LTBP3: variants seen among roughly 807,000 people sequenced by gnomAD.
The protein encoded by LTBP3 is latent transforming growth factor beta binding protein 3.
In LTBP3, 97 loss-of-function variants were observed where a neutral mutation model predicts 159.7. The observed-to-expected ratio is 0.61, with a 90% CI of 0.52 to 0.72. LTBP3 has a LOEUF of 0.72. Among genes scored for constraint, LTBP3 ranks in the 30% least tolerant of loss-of-function variants. The pLI, the probability that LTBP3 is intolerant of heterozygous loss-of-function variation, is 0.00. For synonymous variants in LTBP3, 824 were observed against 777.1 expected (o/e 1.06, Z -1.00); for missense variants, 1,584 against 1,864.3 (o/e 0.85, Z 2.77).
intron 24 of LTBP3, 51 bp downstream of exon 24, chr11:65,539,962 C>T: frequency 6.9e-7 from 1 of 1,457,236 alleles, no homozygotes; most frequent in Non-Finnish European, 9.0e-7. Flanking sequence ...GCGCGGGGGC[C>T]ACGTGACGGA....
At position 65,553,883 on chromosome 11, in the gene LTBP3, C is replaced by A. The variant is rs769271039; in HGVS notation, c.682G>T (p.Val228Leu). 1.3e-5 allele frequency: 20 copies of A among 1,552,578 alleles called. 1 individual carries two copies. The South Asian group carries it at 2.3e-4, about 18-fold the overall frequency. Residue 228 changes from valine (V) to leucine (L), a missense_variant, in exon 3 of 28, where the codon GTG (valine) becomes TTG (leucine). Coordinates refer to ENST00000301873, the MANE Select transcript of LTBP3 (RefSeq NM_001130144.3). The surrounding 1 kb of genome is among the most constrained non-coding windows in gnomAD (Gnocchi z 6.5). ...GGCGGGTGATGGACGCGCACATTCA[C>A]CACGGGGGGCGGGGCCTGCACTGGG... Reference protein sequence around the residue: ...SAEVQAPPPVVNVRVHHPPEA... With the variant: ...SAEVQAPPPVLNVRVHHPPEA...
Position 65,539,369 on chromosome 11 carries a change from G to A in LTBP3, c.3719C>T (p.Pro1240Leu), listed in dbSNP as rs2135116305. ...GGAGGCGTCGAGCTGGAAGCCGCCG[G>A]GACACTCGCACACGGCGCCGCCCGG... ...PRPGGAVCEC[P>L]GGFQLDASRA... Residue 1240 changes from proline to leucine, a missense_variant, in exon 27 of 28, where the codon CCC (proline) becomes CTC (leucine). This residue lies in a region of LTBP3 where 514 missense variants were observed against 530.3 expected (regional missense o/e 0.97). Transcript: ENST00000301873. 1.9e-6 allele frequency: 3 copies of A among 1,540,862 alleles called. No homozygotes were observed. The highest frequency in any genetic ancestry group is 1.4e-5 in the African/African-American group (1 of 72,700).
chr11:65,542,961 G>T, intron 18 of LTBP3, 144 bp downstream of exon 18: 1 of 1,046,894 alleles, frequency 9.6e-7, no homozygotes, highest in Non-Finnish European at 1.4e-6. Context: ...TGGATGGATG[G>T]ATGGATGGAT....
rs368676768 is a variant in LTBP3, at chr11:65,552,281, C to T, written c.1312G>A (p.Ala438Thr). The T allele has an allele frequency of 4.6e-5, 74 of 1,614,032 alleles. No individual in the cohort carries two copies. Among genetic ancestry groups the T allele is most frequent in the East Asian group, 8.9e-5 (4 of 44,896 alleles). Residue 438 changes from alanine to threonine, a missense_variant, in exon 7 of 28, where the codon GCG becomes ACG. By Grantham distance (58) the Ala-to-Thr change is moderately conservative (BLOSUM62 0). Around this residue, in one of 6 missense-constraint regions of LTBP3, gnomAD observed 156 missense variants for 259.7 expected, o/e 0.60. Transcript: ENST00000301873. The surrounding 1 kb of genome is among the most constrained non-coding windows in gnomAD (Gnocchi z 6.0). ...TCTGTTGGGCAGCGCTGACACCGCG[C>T]GCCCCAGGCCTTGCCGACACTGCAG... Reference protein sequence around the residue: ...CCCSVGKAWGARCQRCPTDGT... With the variant: ...CCCSVGKAWGTRCQRCPTDGT...
In LTBP3 at chr11:65,553,915, C is replaced by T; in HGVS notation, c.662-12G>A. The stretch of plus-strand genomic sequence containing the variant: ...GGGCGGGGCCTGCACTGGGGGCGGG[C>T]GCGGTGGCCTCAGGGCTGCCCGCAC... On this transcript the variant is annotated splice_polypyrimidine_tract_variant and intron_variant, in intron 2 of 27. Transcript: ENST00000301873. This position sits in a 1 kb window ranked among gnomAD's most constrained non-coding sequence, Gnocchi z 6.5. The T allele has an allele frequency of 6.6e-7, 1 of 1,521,438 alleles. No individual in the cohort carries two copies. The highest frequency in any genetic ancestry group is 2.4e-5 in the East Asian group (1 of 41,524). The allele number at this position is 1,521,438 out of a possible 1,614,324, so 94.2% of individuals were successfully genotyped here.
At position 65,540,532 on chromosome 11, in the gene LTBP3, G is replaced by A; in HGVS notation, c.3060C>T (p.Tyr1020=). The A allele has an allele frequency of 6.2e-7, 1 of 1,613,868 alleles. No homozygotes were observed. The highest frequency in any genetic ancestry group is 8.5e-7 in the Non-Finnish European group (1 of 1,179,914). Residue 1020 remains tyrosine (Y), a synonymous_variant, in exon 22 of 28, where the codon TAC becomes TAT. Coordinates refer to ENST00000301873, the MANE Select transcript of LTBP3 (RefSeq NM_001130144.3). ...CGTCGTAGTAGAAGCCCTGCTTGCA[G>A]TAGCACTCGTAGCCAGGCTGCGTGT... ...CVNTQPGYEC[Y]CKQGFYYDGN... is the part of the protein sequence containing the mutation.
chr11:65,548,972 C>G (rs1856493084), intron 11 of LTBP3: 1 of 152,196 alleles, frequency 6.6e-6, no homozygotes, highest in South Asian at 2.1e-4. Context: ...CTTTTGAAGC[C>G]CACACAGGCA....
chr11:65,548,006 T>G lies in LTBP3; in HGVS notation c.1760A>C (p.His587Pro). Residue 587 changes from histidine (H) to proline (P), a missense_variant, in exon 12 of 28, where the codon CAC becomes CCC. Physicochemically the swap from His to Pro is moderately conservative, Grantham distance 77. Around this residue, in one of 6 missense-constraint regions of LTBP3, gnomAD observed 565 missense variants for 677.7 expected, o/e 0.83. Coordinates refer to ENST00000301873, the MANE Select transcript of LTBP3 (RefSeq NM_001130144.3). Reference sequence around the variant, plus strand: ...AGGGGGGCCCGGCACGCACTCTCCGTGGCCACAGATGTTCTGGTTCAGTCG... The same window carrying G: ...AGGGGGGCCCGGCACGCACTCTCCGGGGCCACAGATGTTCTGGTTCAGTCG... ...ECRLNQNICG[H>P]GECVPGPPDY... The G allele has an allele frequency of 6.2e-7, 1 of 1,613,874 alleles. No homozygotes were observed. Among genetic ancestry groups the G allele is most frequent in the Non-Finnish European group, 8.5e-7 (1 of 1,179,982 alleles).
Position 65,552,664 on chromosome 11 carries a change from G to A in LTBP3, c.1186+196C>T, listed in dbSNP as rs1856652945. On this transcript the variant is annotated intron_variant, in intron 6 of 27. Coordinates refer to ENST00000301873, the MANE Select transcript of LTBP3 (RefSeq NM_001130144.3). This position sits in a 1 kb window ranked among gnomAD's most constrained non-coding sequence, Gnocchi z 6.0. ...ATGTTCTGCATGACTCTGACTCTAT[G>A]TAATCCCTGACCCCATGTGACTGCT... Among the ~76,000 whole-genome samples, 1 of 152,076 alleles carries A rather than the reference G, an allele frequency of 6.6e-6. No individual in the cohort carries two copies. Among genetic ancestry groups the A allele is most frequent in the Admixed American group, 6.5e-5 (1 of 15,276 alleles).
chr11:65,542,000 G>C (rs572578334), intron 18 of LTBP3: 116 of 435,766 alleles, frequency 2.7e-4, no homozygotes, highest in South Asian at 2.3e-3. Flanking sequence ...TTGAGCTTCC[G>C]ATACCTTTAG....
intron 16 of LTBP3, chr11:65,544,322 A>C (rs1347182558): frequency 6.5e-6 from 1 of 153,270 alleles, no homozygotes; most frequent in East Asian, 1.9e-4. Context: ...CCTCCCTCTC[A>C]GTCCTCCGAG....
In LTBP3 at chr11:65,539,866, C is replaced by T. The variant is rs939910538; in HGVS notation, c.3401G>A (p.Arg1134Gln). Reference protein sequence around the residue: ...PESPAERAPERRDVCWSQRGE... With the variant: ...PESPAERAPEQRDVCWSQRGE... Reference sequence around the variant, plus strand: ...GCGCTGGCTCCAGCACACGTCGCGCCGCTCCGGGGCACGCTCTGCGGAAGA... The same window carrying T: ...GCGCTGGCTCCAGCACACGTCGCGCTGCTCCGGGGCACGCTCTGCGGAAGA... The change falls in exon 25 of 28, where the codon CGG becomes CAG. Residue 1134 changes from arginine (R) to glutamine (Q), a missense_variant. Physicochemically the swap from Arg to Gln is conservative, Grantham distance 43. Transcript: ENST00000301873. The T allele has an allele frequency of 9.9e-6, 15 of 1,515,800 alleles. No individual in the cohort carries two copies. The highest frequency in any genetic ancestry group is 6.2e-5 in the Admixed American group (3 of 48,596). The allele number at this position is 1,515,800 out of a possible 1,614,324, so 93.9% of individuals were successfully genotyped here. A position where few individuals can be genotyped will look rare whatever the true frequency, so the allele number is the denominator to read the frequency against.
At chr11:65,555,117 G>A (rs1217020122) in intron 1 of LTBP3, among the ~76,000 whole-genome samples, 1 of 151,978 alleles carries the variant, frequency 6.6e-6, no homozygotes. Context: ...AGCCTCTAAT[G>A]TCCCATGAAC....
chr11:65,557,872 GCAGCAGCAGCAGCGC>G lies in LTBP3; in HGVS notation c.73_87del (p.Ala25_Leu29del). On this transcript the variant is annotated inframe_deletion, in exon 1 of 28. Transcript: ENST00000301873. ...CCCAGGCCCAGCAGCAGCAGCAGCA[GCAGCAGCAGCAGCGC>G]CAGCAGCCCCGCCGCCCCCGCCCCG... 7.6e-7 allele frequency: 1 copy of G among 1,321,896 alleles called. No homozygotes were observed. The allele number at this position is 1,321,896 out of a possible 1,614,324, so 81.9% of individuals were successfully genotyped here. A position where few individuals can be genotyped will look rare whatever the true frequency, so the allele number is the denominator to read the frequency against.
chr11:65,550,407 G>A (rs560998600), intron 11 of LTBP3, among the ~76,000 whole-genome samples: 12 of 151,570 alleles, frequency 7.9e-5, no homozygotes, highest in Middle Eastern at 3.4e-3. Flanking sequence ...GCGAGACTCC[G>A]TCTCAATCTC....
In LTBP3 at chr11:65,542,956, GGATGGATGGATGGATGGATA is replaced by G. The variant is rs1229820761; in HGVS notation, c.2596+129_2596+148del. On this transcript the variant is annotated intron_variant, in intron 18 of 27. Transcript: ENST00000301873. The stretch of plus-strand genomic sequence containing the variant: ...AGGATGGATGGATGGATGGATGGAT[GGATGGATGGATGGATGGATA>G]GATGGATGGATGGATGGATGAAGGA... The G allele has an allele frequency of 1.3e-3, 1,294 of 1,001,596 alleles. 13 individuals are homozygous for G. The African/African-American group carries it at 0.018, about 14-fold the overall frequency. 62.0% of individuals were successfully genotyped at this position (1,001,596 alleles called of 1,614,324 possible). A position where few individuals can be genotyped will look rare whatever the true frequency, so the allele number is the denominator to read the frequency against.
intron 18 of LTBP3, 71 bp downstream of exon 18, chr11:65,543,034 G>A (rs2135130374): frequency 6.3e-7 from 1 of 1,598,560 alleles, no homozygotes; most frequent in East Asian, 2.2e-5. Context: ...GATGGAGAAA[G>A]GCCACAGTGT....
Position 65,557,718 on chromosome 11 carries a change from C to T in LTBP3, c.242G>A (p.Arg81Gln). 1 of 1,609,414 alleles carries T rather than the reference C, an allele frequency of 6.2e-7. No homozygotes were observed. The highest frequency in any genetic ancestry group is 8.5e-7 in the Non-Finnish European group (1 of 1,179,866). The change falls in exon 1 of 28, where the codon CGG (arginine) becomes CAG (glutamine). Residue 81 changes from arginine to glutamine, a missense_variant. Arg to Gln is a conservative substitution (Grantham distance 43). Around this residue, in one of 6 missense-constraint regions of LTBP3, gnomAD observed 76 missense variants for 133.3 expected, o/e 0.57. Coordinates refer to ENST00000301873, the MANE Select transcript of LTBP3 (RefSeq NM_001130144.3). ...CKRTCLKGQCRDSCQQGSNMT... is the reference protein window; with the variant it reads ...CKRTCLKGQCQDSCQQGSNMT... ...GTTGGAGCCCTGCTGACAACTGTCC[C>T]GACACTGGCCCTTGAGACAGGTCCG...
chr11:65,541,071 T>C, intron 20 of LTBP3, 55 bp downstream of exon 20: 3 of 1,592,330 alleles, frequency 1.9e-6, no homozygotes, highest in Non-Finnish European at 2.6e-6. Flanking sequence ...TTCCCACATT[T>C]GGCTTCCAGA....
Sources: allele counts gnomAD v4.1 joint callset (sites outside exome capture counted in the v4.1 genomes callset), GRCh38; gene constraint gnomAD v4.1.1; regional missense constraint gnomAD v4.1.1; non-coding constraint Gnocchi (gnomAD v3.1); transcripts MANE v1.5; gene names NCBI Gene and HGNC (gene_info 2026-07-23, HGNC 2026-07-21).